Variants in LNPEP observed in about 807,000 individuals in gnomAD.
LNPEP encodes the protein leucyl and cystinyl aminopeptidase.
Under a neutral mutation model 120.6 loss-of-function variants are expected in LNPEP, and 64 were observed. The ratio of observed to expected loss-of-function variants is 0.53; its 90% CI spans 0.43 to 0.65. The LOEUF is 0.65. Ranked by LOEUF, LNPEP falls within the 30% of genes least tolerant of loss-of-function variation. The pLI, the probability that LNPEP is intolerant of heterozygous loss-of-function variation, is 0.00. For missense variants in LNPEP, 1,057 were observed against 1,200.0 expected, an observed-to-expected ratio of 0.88 and a Z score of 1.76; for synonymous variants, 435 against 425.4, an observed-to-expected ratio of 1.02 and a Z score of -0.28.
At chr5:96,969,875 ATATAT>A (rs1363751528) in intron 1 of LNPEP, among the ~76,000 whole-genome samples, 3 of 151,142 alleles carry the variant, frequency 2.0e-5, no homozygotes, top group Admixed American at 6.6e-5. Context: ...TTGAATTTTG[ATATAT>A]TATGTTTTTA....
chr5:96,988,803 G>A lies in LNPEP; in HGVS notation c.1131+2133G>A, dbSNP rs142917399. Among the ~76,000 whole-genome samples, 1,393 of 151,548 alleles carry A rather than the reference G, an allele frequency of 9.2e-3. 23 individuals are homozygous for A. Among genetic ancestry groups the A allele is most frequent in the African/African-American group, 0.032 (1,309 of 41,280 alleles). On this transcript the variant is annotated intron_variant, in intron 4 of 17. Coordinates refer to ENST00000231368, the MANE Select transcript of LNPEP (RefSeq NM_005575.3). ...TTTTGTTTTTTTAATTTTTTGTAGA[G>A]GCATCTTGCTATGTTGCTCAGGCCA...
At chr5:97,026,783 T>G (rs1267669646) in intron 16 of LNPEP, 26 bp downstream of exon 16, 8 of 1,593,202 alleles carry the variant, frequency 5.0e-6, no homozygotes, top group Non-Finnish European at 6.0e-6. Flanking sequence ...AATTATTAAC[T>G]TTTAGTATTC....
chr5:96,961,792 A>G (rs954179757), intron 1 of LNPEP, among the ~76,000 whole-genome samples: 1 of 152,136 alleles, frequency 6.6e-6, no homozygotes, highest in African/African-American at 2.4e-5. Context: ...ATACTGTATT[A>G]TATTATTATT....
intron 11 of LNPEP, chr5:97,010,282 C>T (rs976405375): frequency 5.1e-6 from 5 of 971,358 alleles, no homozygotes; most frequent in Non-Finnish European, 6.1e-6. Flanking sequence ...TAATGCAAAA[C>T]ATTCATGTTT....
chr5:97,002,031 C>G (rs1056435938), intron 8 of LNPEP, among the ~76,000 whole-genome samples: 1 of 152,058 alleles, frequency 6.6e-6, no homozygotes, highest in African/African-American at 2.4e-5. Flanking sequence ...CCCAGCTACT[C>G]AGGAGGCTGA....
At chr5:96,990,906 A>C (rs971742249) in intron 4 of LNPEP, among the ~76,000 whole-genome samples, 3 of 152,122 alleles carry the variant, frequency 2.0e-5, no homozygotes, top group South Asian at 2.1e-4. Context: ...AATTGTTGAC[A>C]GTTTTTTGCT....
chr5:97,013,579 C>T (rs760645795), intron 11 of LNPEP, 69 bp from the exon 12 acceptor site: 28 of 780,740 alleles, frequency 3.6e-5, no homozygotes, highest in Non-Finnish European at 5.4e-5. Context: ...AAAAACAAAG[C>T]ACTCATAATT....
In LNPEP at chr5:97,013,813, A is replaced by C. The variant is rs1790995270; in HGVS notation, c.2201A>C (p.Asn734Thr). 3.7e-6 allele frequency: 6 copies of C among 1,600,492 alleles called. No individual in the cohort carries two copies. Among genetic ancestry groups the C allele is most frequent in the Non-Finnish European group, 5.1e-6 (6 of 1,175,296 alleles). The part of the protein sequence containing the change: ...SDKDRANLIN[N>T]IFELAGLGKV... The stretch of plus-strand genomic sequence containing the variant: ...AAAGACCGAGCCAACCTTATCAACA[A>C]CATCTTTGAACTTGCAGGGTAGAGT... The change falls in exon 12 of 18, where the codon AAC becomes ACC. Residue 734 changes from asparagine to threonine, a missense_variant. Coordinates refer to ENST00000231368, the MANE Select transcript of LNPEP (RefSeq NM_005575.3).
chr5:97,006,245 C>G lies in LNPEP; in HGVS notation c.1946+12C>G, dbSNP rs751032441. 6.3e-6 allele frequency: 10 copies of G among 1,587,388 alleles called. No homozygotes were observed. The South Asian group carries it at 1.0e-4, about 17-fold the overall frequency. ...CCTTCAGATACAAGGTACATGCCCT[C>G]TTTCTTTTCATGCCATCTCTTTTGC... On this transcript the variant is annotated intron_variant, in intron 10 of 17. Coordinates refer to ENST00000231368, the MANE Select transcript of LNPEP (RefSeq NM_005575.3).
intron 1 of LNPEP, chr5:96,937,119 G>A (rs1788920402): frequency 6.6e-6 from 1 of 152,224 alleles, no homozygotes; most frequent in African/African-American, 2.4e-5. Context: ...AGAGGATTCA[G>A]TCTCTGGTTG....
intron 5 of LNPEP, among the ~76,000 whole-genome samples, chr5:96,993,417 C>A (rs1350974192): frequency 6.6e-6 from 1 of 152,070 alleles, no homozygotes; most frequent in African/African-American, 2.4e-5. Context: ...TTCTAACTTC[C>A]AAGAAATACC....
chr5:96,949,236 T>C (rs1789265153), intron 1 of LNPEP, among the ~76,000 whole-genome samples: 1 of 152,206 alleles, frequency 6.6e-6, no homozygotes, highest in Non-Finnish European at 1.5e-5. Context: ...CCAATTTGCA[T>C]GTCAAGGACC....
In LNPEP at chr5:96,936,141, C is replaced by A; in HGVS notation, c.-15C>A. On this transcript the variant is annotated 5_prime_UTR_variant, in exon 1 of 18. Coordinates refer to ENST00000231368, the MANE Select transcript of LNPEP (RefSeq NM_005575.3). ...CTCGGGCGCTCCGGCTGTAAGGAGC[C>A]GCGGCGGGGGGAAAATGGAGCCCTT... 6.6e-7 allele frequency: 1 copy of A among 1,505,544 alleles called. No homozygotes were observed. 93.3% of individuals were successfully genotyped at this position (1,505,544 alleles called of 1,614,324 possible). A position where few individuals can be genotyped will look rare whatever the true frequency, so the allele number is the denominator to read the frequency against.
intron 11 of LNPEP, among the ~76,000 whole-genome samples, chr5:97,008,175 A>T (rs997183945): frequency 3.9e-5 from 6 of 152,164 alleles, no homozygotes; most frequent in Admixed American, 3.9e-4. Flanking sequence ...AGCACAGCTA[A>T]AACATGGCTG....
At position 97,027,717 on chromosome 5, in the gene LNPEP, T is replaced by A. The variant is rs1791379785; in HGVS notation, c.2865-16T>A. The A allele has an allele frequency of 6.5e-7, 1 of 1,539,256 alleles. No individual in the cohort carries two copies. The highest frequency in any genetic ancestry group is 1.4e-5 in the African/African-American group (1 of 73,482). Reference sequence around the variant, plus strand: ...AGCTGCCTAATCTTTTTGCTCTTGTTTTTGTGTTTCTTCAGGTTCCCTCTG... The same window carrying A: ...AGCTGCCTAATCTTTTTGCTCTTGTATTTGTGTTTCTTCAGGTTCCCTCTG... On this transcript the variant is annotated splice_polypyrimidine_tract_variant and intron_variant, in intron 16 of 17. Transcript: ENST00000231368.
At position 96,986,571 on chromosome 5, in the gene LNPEP, T is replaced by C. The variant is rs140597637; in HGVS notation, c.1032T>C (p.Val344=). ...CAGTCGTTCTAGATGATGGACTTGTTCAGGATGAGTTTTCTGAGAGTGTGA... is the reference window on the plus strand; with the variant it reads ...CAGTCGTTCTAGATGATGGACTTGTCCAGGATGAGTTTTCTGAGAGTGTGA... The part of the protein sequence containing the change: ...KSSVVLDDGL[V]QDEFSESVKM... Residue 344 remains valine (V), a synonymous_variant, in exon 4 of 18, where the codon GTT becomes GTC. Coordinates refer to ENST00000231368, the MANE Select transcript of LNPEP (RefSeq NM_005575.3). 48 of 1,613,560 alleles carry C rather than the reference T, an allele frequency of 3.0e-5. No homozygotes were observed. The African/African-American group carries it at 5.2e-4, about 18-fold the overall frequency.
rs570902189 is a variant in LNPEP, at chr5:97,023,948, C to T, written c.2562-573C>T. 1.6e-4 allele frequency among the ~76,000 whole-genome samples: 25 copies of T among 152,174 alleles called. No homozygotes were observed. The South Asian group carries it at 4.4e-3, about 27-fold the overall frequency. Reference sequence around the variant, plus strand: ...CTCTTAATTTAGAAATAAAACATAGCAGGTAGAGTTAGCAGTTAACAGAAA... The same window carrying T: ...CTCTTAATTTAGAAATAAAACATAGTAGGTAGAGTTAGCAGTTAACAGAAA... On this transcript the variant is annotated intron_variant, in intron 14 of 17. Transcript: ENST00000231368.
Position 97,006,151 on chromosome 5 carries a change from C to A in LNPEP, c.1864C>A (p.Gln622Lys). The A allele has an allele frequency of 1.9e-6, 3 of 1,598,634 alleles. No homozygotes were observed. In the South Asian group the frequency reaches 3.3e-5, roughly 18 times the overall value. Residue 622 changes from glutamine to lysine, a missense_variant, in exon 10 of 18, where the codon CAA becomes AAA. By Grantham distance (53) the Gln-to-Lys change is moderately conservative (BLOSUM62 1). Transcript: ENST00000231368. Reference sequence around the variant, plus strand: ...GAAAGGATTTCCTTTAGTGACTGTTCAAAAGAAAGGAAAGGAACTTTTTAT... The same window carrying A: ...GAAAGGATTTCCTTTAGTGACTGTTAAAAAGAAAGGAAAGGAACTTTTTAT... ...LQKGFPLVTVQKKGKELFIQQ... is the reference protein window; with the variant it reads ...LQKGFPLVTVKKKGKELFIQQ...
Position 97,037,199 on chromosome 5 carries a change from A to T in LNPEP, c.*8666A>T, listed in dbSNP as rs1311228579. The T allele has an allele frequency of 6.6e-6, 1 of 152,186 alleles. No individual in the cohort carries two copies. Among genetic ancestry groups the T allele is most frequent in the East Asian group, 1.9e-4 (1 of 5,198 alleles). 9.4% of individuals were successfully genotyped at this position (152,186 alleles called of 1,614,324 possible). The stretch of plus-strand genomic sequence containing the variant: ...CTTTCAAATACTTTGGAAAGTAGTT[A>T]CTTGGAAACTTGTAAAGGTATTACA... On this transcript the variant is annotated 3_prime_UTR_variant, in exon 18 of 18. Coordinates refer to ENST00000231368, the MANE Select transcript of LNPEP (RefSeq NM_005575.3).
Sources: allele counts gnomAD v4.1 joint callset (sites outside exome capture counted in the v4.1 genomes callset), GRCh38; gene constraint gnomAD v4.1.1; transcripts MANE v1.5; gene names NCBI Gene and HGNC (gene_info 2026-07-23, HGNC 2026-07-21).